The following ADGRL2 variants were observed in gnomAD, a reference collection of about 807,000 sequenced individuals.
ADGRL2 encodes adhesion G protein-coupled receptor L2.
Under a neutral mutation model 157.4 loss-of-function variants are expected in ADGRL2, and 44 were observed. The ratio of observed to expected loss-of-function variants is 0.28; its 90% CI spans 0.22 to 0.36. The LOEUF (loss-of-function observed/expected upper bound fraction) is 0.36. ADGRL2 is among the 10% of genes least tolerant of loss of function. ADGRL2 has a pLI of 1.00. For missense variants in ADGRL2, 1,510 were observed against 1,768.9 expected (o/e 0.85, Z 2.63); for synonymous variants, 585 against 624.7 (o/e 0.94, Z 0.95).
chr1:81,934,786 G>A (rs1467391825), intron 3 of ADGRL2, among the ~76,000 whole-genome samples: 1 of 151,760 alleles, frequency 6.6e-6, no homozygotes, highest in Non-Finnish European at 1.5e-5. Flanking sequence ...TACTGTGGGA[G>A]TATCTGAAAG....
At chr1:81,891,056 A>G (rs2151424411) in intron 2 of ADGRL2, among the ~76,000 whole-genome samples, 1 of 151,978 alleles carries the variant, frequency 6.6e-6, no homozygotes, top group East Asian at 1.9e-4. Context: ...AAGGGTTTCC[A>G]GTTCTTGTTT....
rs547539611 is a variant in ADGRL2 at position 81,369,159 on chromosome 1, A to G, written c.-302+62650A>G. ...GGAGGGTTGGGAGATTGAAAGATAC[A>G]TTGAGGCAGAGACAGAGACACACAC... On this transcript the variant is annotated intron_variant, in intron 1 of 24. Transcript: ENST00000370721. Among the ~76,000 whole-genome samples the G allele has an allele frequency of 3.0e-4, 46 of 152,236 alleles. No individual in the cohort carries two copies. In the South Asian group the frequency reaches 9.3e-3, roughly 31 times the overall value.
intron 1 of ADGRL2, among the ~76,000 whole-genome samples, chr1:81,438,857 T>G (rs1034736831): frequency 8.5e-5 from 13 of 152,146 alleles, no homozygotes; most frequent in Non-Finnish European, 1.9e-4. Context: ...GTTTTTTCCC[T>G]TATCATTGCC....
At chr1:81,363,461 T>C (rs1204529936) in intron 1 of ADGRL2, among the ~76,000 whole-genome samples, 1 of 152,060 alleles carries the variant, frequency 6.6e-6, no homozygotes, top group East Asian at 1.9e-4. Flanking sequence ...AGAATTATCC[T>C]CCCTCTGTGG....
At chr1:81,899,445 G>T (rs138085367) in intron 2 of ADGRL2, among the ~76,000 whole-genome samples, 1 of 152,154 alleles carries the variant, frequency 6.6e-6, no homozygotes, top group Non-Finnish European at 1.5e-5. Context: ...TATTTATTCC[G>T]ATCAGTAGCC....
At chr1:81,570,989 T>C (rs1408625617) in intron 2 of ADGRL2, among the ~76,000 whole-genome samples, 1 of 152,088 alleles carries the variant, frequency 6.6e-6, no homozygotes, top group Non-Finnish European at 1.5e-5. Flanking sequence ...ATTAAGTGAA[T>C]AGGCATGACT....
chr1:81,332,880 T>C (rs1661366457), intron 1 of ADGRL2, among the ~76,000 whole-genome samples: 1 of 152,216 alleles, frequency 6.6e-6, no homozygotes, highest in Non-Finnish European at 1.5e-5. Context: ...TGTTTTTCTT[T>C]ACCTTTGTTT....
chr1:81,587,949 T>C (rs2081060336), intron 3 of ADGRL2, among the ~76,000 whole-genome samples: 1 of 152,110 alleles, frequency 6.6e-6, no homozygotes, highest in South Asian at 2.1e-4. Context: ...AGAAAAAACA[T>C]GTTTCCAGTA....
chr1:81,717,329 C>T lies in ADGRL2; in HGVS notation c.-143+17521C>T, dbSNP rs2084152864. ...TTTGGAAAGAGGCACAGCATGGCTC[C>T]CAAAAGGCCAACTACAAGTCAAAGG... is the stretch of plus-strand genomic sequence containing the variant. On this transcript the variant is annotated intron_variant, in intron 1 of 20. Transcript: ENST00000359929. 1.3e-5 allele frequency among the ~76,000 whole-genome samples: 2 copies of T among 152,076 alleles called. 1 individual carries two copies. Among genetic ancestry groups the T allele is most frequent in the South Asian group, 4.1e-4 (2 of 4,822 alleles).
intron 1 of ADGRL2, among the ~76,000 whole-genome samples, chr1:81,336,615 A>G (rs1661659862): frequency 6.6e-6 from 1 of 152,194 alleles, no homozygotes. Context: ...AGTTGATACC[A>G]TAATCCAAAG....
chr1:81,692,480 G>T (rs1435063507), intron 3 of ADGRL2, among the ~76,000 whole-genome samples: 1 of 152,094 alleles, frequency 6.6e-6, no homozygotes, highest in Non-Finnish European at 1.5e-5. Context: ...TTAGGCCATT[G>T]TATGCTAAGC....
intron 1 of ADGRL2, among the ~76,000 whole-genome samples, chr1:81,320,818 G>A (rs1660451643): frequency 6.6e-6 from 1 of 152,118 alleles, no homozygotes; most frequent in African/African-American, 2.4e-5. Flanking sequence ...ATTCTTAAGG[G>A]CCCTAATGTT....
At chr1:81,673,324 A>C (rs1047262501) in intron 3 of ADGRL2, among the ~76,000 whole-genome samples, 1 of 151,946 alleles carries the variant, frequency 6.6e-6, no homozygotes, top group East Asian at 1.9e-4. Context: ...CCCTTTTTTC[A>C]AGGCCCAACA....
intron 1 of ADGRL2, among the ~76,000 whole-genome samples, chr1:81,318,778 T>G (rs2100602189): frequency 6.6e-6 from 1 of 152,232 alleles, no homozygotes; most frequent in South Asian, 2.1e-4. Flanking sequence ...ACTGGAGTCA[T>G]AAAATTCAGC....
chr1:81,731,164 A>G (rs2084710715), intron 1 of ADGRL2, among the ~76,000 whole-genome samples: 1 of 152,196 alleles, frequency 6.6e-6, no homozygotes, highest in Non-Finnish European at 1.5e-5. Flanking sequence ...GTCTAAGGAT[A>G]TTATTTACAG....
At chr1:81,826,272 T>G (rs767531284) in intron 1 of ADGRL2, among the ~76,000 whole-genome samples, 26 of 152,246 alleles carry the variant, frequency 1.7e-4, no homozygotes, top group Non-Finnish European at 2.9e-4. Flanking sequence ...TTTGTTATTA[T>G]AAGTTAGCAA....
chr1:81,850,982 G>A (rs912247840), intron 2 of ADGRL2, among the ~76,000 whole-genome samples: 1 of 151,742 alleles, frequency 6.6e-6, no homozygotes, highest in African/African-American at 2.4e-5. Context: ...TAGTACCAAA[G>A]CTACATTTTA....
At chr1:81,952,390 C>G (rs1433999282) in intron 9 of ADGRL2, among the ~76,000 whole-genome samples, 1 of 152,062 alleles carries the variant, frequency 6.6e-6, no homozygotes, top group Non-Finnish European at 1.5e-5. Context: ...CTTTATCTAT[C>G]TGATTGTGGT....
intron 1 of ADGRL2, among the ~76,000 whole-genome samples, chr1:81,432,838 G>A (rs969489343): frequency 1.3e-5 from 2 of 152,154 alleles, no homozygotes; most frequent in Middle Eastern, 6.3e-3. Context: ...CATGGGGAAT[G>A]TGCAGCATCT....
Sources: gnomAD v4.1 joint callset for allele counts (sites outside exome capture counted in the v4.1 genomes callset) on GRCh38, gnomAD v4.1.1 for gene constraint, MANE v1.5 for transcripts, NCBI Gene and HGNC (gene_info 2026-07-23, HGNC 2026-07-21) for gene names.